Variants in PRDM5 observed in about 807,000 individuals in gnomAD.
PRDM5 encodes the protein PR domain zinc finger protein 5.
Under a neutral mutation model 81.2 loss-of-function variants are expected in PRDM5, and 56 were observed. The observed-to-expected ratio is 0.69, with a 90% CI of 0.56 to 0.86. PRDM5 has a LOEUF of 0.86. Among genes scored for constraint, PRDM5 ranks in the 40% least tolerant of loss-of-function variants. The pLI is 0.00. For synonymous variants in PRDM5, 267 were observed against 256.4 expected (o/e 1.04, Z -0.39); for missense variants, 697 against 770.1 (o/e 0.91, Z 1.12).
chr4:120,843,055 G>A (rs1758206639), intron 3 of PRDM5, among the ~76,000 whole-genome samples: 1 of 152,156 alleles, frequency 6.6e-6, no homozygotes, highest in African/African-American at 2.4e-5. Context: ...CAGTCAGCTG[G>A]GCATGGTGGC....
chr4:120,886,684 T>C (rs1291691563), intron 2 of PRDM5, among the ~76,000 whole-genome samples: 3 of 152,324 alleles, frequency 2.0e-5, no homozygotes, highest in South Asian at 4.1e-4. Flanking sequence ...TATGAATGAT[T>C]TGTTGAATAA....
chr4:120,710,319 A>C lies in PRDM5; in HGVS notation c.1718T>G (p.Phe573Cys). The C allele has an allele frequency of 1.2e-6, 2 of 1,613,922 alleles. No individual in the cohort carries two copies. Among genetic ancestry groups the C allele is most frequent in the Admixed American group, 1.7e-5 (1 of 59,984 alleles). Residue 573 changes from phenylalanine to cysteine, a missense_variant, in exon 15 of 16, where the codon TTT becomes TGT. Phe to Cys is a radical substitution (Grantham distance 205). Transcript: ENST00000264808. ...AAAATCCAAACTCACATCACACTGA[A>C]AAGGCTTTTCTCCAGTGTGCGTCCT... ...HKRTHTGEKP[F>C]QCDVCDLAFS...
Position 120,757,452 on chromosome 4 carries a change from A to G in PRDM5, c.1538-2814T>C, listed in dbSNP as rs560783635. ...CTCAGTTTATGCCTGTTATCCTAGA[A>G]TAATATAGTAATAGCTGGTTAATTT... On this transcript the variant is annotated intron_variant, in intron 13 of 15. Transcript: ENST00000264808. Among the ~76,000 whole-genome samples the G allele has an allele frequency of 6.6e-4, 100 of 152,352 alleles. No individual in the cohort carries two copies. The South Asian group carries it at 6.8e-3, about 10-fold the overall frequency.
chr4:120,911,422 T>C (rs1161381599), intron 1 of PRDM5, among the ~76,000 whole-genome samples: 1 of 152,226 alleles, frequency 6.6e-6, no homozygotes, highest in African/African-American at 2.4e-5. Context: ...ACTGATCCAA[T>C]GTCCAGCCCA....
chr4:120,710,284 A>G, intron 15 of PRDM5, 25 bp downstream of exon 15: 1 of 1,589,686 alleles, frequency 6.3e-7, no homozygotes, highest in Non-Finnish European at 8.6e-7. Flanking sequence ...GGAAGACACT[A>G]TGGGGGAAAA....
chr4:120,728,538 A>C (rs984230478), intron 14 of PRDM5, among the ~76,000 whole-genome samples: 1 of 152,060 alleles, frequency 6.6e-6, no homozygotes, highest in Non-Finnish European at 1.5e-5. Flanking sequence ...TCATAAAAAG[A>C]CTCGTCAATT....
chr4:120,703,108 C>T (rs1253313464), intron 15 of PRDM5, among the ~76,000 whole-genome samples: 1 of 152,102 alleles, frequency 6.6e-6, no homozygotes, highest in Non-Finnish European at 1.5e-5. Context: ...AGCCTCATGG[C>T]TTTTTTCTTC....
At chr4:120,723,923 A>ATTTTTTTTTTTTTTTT (rs70948360) in intron 14 of PRDM5, among the ~76,000 whole-genome samples, 16 of 81,274 alleles carry the variant, frequency 2.0e-4, no homozygotes, top group African/African-American at 8.3e-4. Context: ...GATAGCTTGA[A>ATTTTTTTTTTTTTTTT]TTTTTTTTTT....
chr4:120,880,076 T>C (rs946390949), intron 2 of PRDM5, among the ~76,000 whole-genome samples: 1 of 152,140 alleles, frequency 6.6e-6, no homozygotes, highest in African/African-American at 2.4e-5. Flanking sequence ...ACTGCACTAA[T>C]GTAAGATGTT....
At position 120,907,510 on chromosome 4, in the gene PRDM5, G is replaced by A; in HGVS notation, c.141C>T (p.Asp47=). The A allele has an allele frequency of 6.2e-7, 1 of 1,612,648 alleles. No homozygotes were observed. The highest frequency in any genetic ancestry group is 1.3e-5 in the African/African-American group (1 of 74,940). ...ACCTGTAATCCATATTTTCATCCAAGTCTTCAGGCATTCTCTTCTCTCCAG... is the reference window on the plus strand; with the variant it reads ...ACCTGTAATCCATATTTTCATCCAAATCTTCAGGCATTCTCTTCTCTCCAG... ...PFAGEKRMPE[D]LDENMDYRLM... Residue 47 remains aspartate, a synonymous_variant, in exon 2 of 16, where the codon GAC becomes GAT. Coordinates refer to ENST00000264808, the MANE Select transcript of PRDM5 (RefSeq NM_018699.4).
chr4:120,699,191 TATATATATATATA>T (rs372179754), intron 15 of PRDM5, among the ~76,000 whole-genome samples: 3,931 of 122,906 alleles, frequency 0.032, 132 homozygotes, highest in South Asian at 0.072. Context: ...TATATATATA[TATATATATATATA>T]TTTCAGATGT....
At position 120,882,804 on chromosome 4, in the gene PRDM5, A is replaced by C. The variant is rs982418376; in HGVS notation, c.177+24670T>G. Among the ~76,000 whole-genome samples, 66 of 152,336 alleles carry C rather than the reference A, an allele frequency of 4.3e-4. 1 individual carries two copies. Among genetic ancestry groups the C allele is most frequent in the Non-Finnish European group, 4.0e-4 (27 of 68,030 alleles). On this transcript the variant is annotated intron_variant, in intron 2 of 15. Coordinates refer to ENST00000264808, the MANE Select transcript of PRDM5 (RefSeq NM_018699.4). ...ATTTGAATTATTCCATTGACAATTA[A>C]ATCAGTGATAGATATAATTTTCAAA...
At position 120,816,531 on chromosome 4, in the gene PRDM5, C is replaced by A. The variant is rs201226534; in HGVS notation, c.787G>T (p.Val263Leu). ...TTTCCACAGCTGTCAGCCTTGCACA[C>A]AAACCTGGCATCCCCCCGGCAAGTC... Reference protein sequence around the residue: ...QETCRGDARFVCKADSCGKRL... With the variant: ...QETCRGDARFLCKADSCGKRL... Residue 263 changes from valine (V) to leucine (L), a missense_variant, in exon 7 of 16, where the codon GTG becomes TTG. Physicochemically the swap from Val to Leu is conservative, Grantham distance 32. Coordinates refer to ENST00000264808, the MANE Select transcript of PRDM5 (RefSeq NM_018699.4). 6.2e-7 allele frequency: 1 copy of A among 1,614,158 alleles called. No homozygotes were observed. Among genetic ancestry groups the A allele is most frequent in the East Asian group, 2.2e-5 (1 of 44,886 alleles).
intron 14 of PRDM5, among the ~76,000 whole-genome samples, chr4:120,721,335 G>C (rs1481897553): frequency 1.3e-5 from 2 of 152,084 alleles, no homozygotes; most frequent in Non-Finnish European, 2.9e-5. Context: ...GATGCCTAGG[G>C]CCCACCCTCA....
intron 2 of PRDM5, among the ~76,000 whole-genome samples, chr4:120,874,431 T>A (rs919510429): frequency 1.3e-5 from 2 of 152,164 alleles, no homozygotes. Context: ...AAGTCAAATA[T>A]GTGGAATTTA....
chr4:120,808,246 C>A (rs1056023265), intron 8 of PRDM5, among the ~76,000 whole-genome samples: 2 of 152,050 alleles, frequency 1.3e-5, no homozygotes, highest in Non-Finnish European at 2.9e-5. Flanking sequence ...CTGATTGGTC[C>A]GTTTTGACAG....
At chr4:120,710,277 A>G in intron 15 of PRDM5, 32 bp downstream of exon 15, 1 of 1,570,888 alleles carries the variant, frequency 6.4e-7, no homozygotes, top group Non-Finnish European at 8.8e-7. Flanking sequence ...TGTTATTGGA[A>G]GACACTATGG....
intron 13 of PRDM5, among the ~76,000 whole-genome samples, chr4:120,776,159 A>G (rs1748127510): frequency 6.6e-6 from 1 of 152,218 alleles, no homozygotes; most frequent in Admixed American, 6.5e-5. Flanking sequence ...TAGAGCACCC[A>G]TTATTCCACA....
At chr4:120,823,326 C>T (rs1172292542) in intron 3 of PRDM5, among the ~76,000 whole-genome samples, 1 of 152,112 alleles carries the variant, frequency 6.6e-6, no homozygotes, top group African/African-American at 2.4e-5. Context: ...AGAAAATTTT[C>T]ATATACCAGC....
Sources: allele counts gnomAD v4.1 joint callset (sites outside exome capture counted in the v4.1 genomes callset), GRCh38; gene constraint gnomAD v4.1.1; transcripts MANE v1.5; gene names NCBI Gene and HGNC (gene_info 2026-07-23, HGNC 2026-07-21).